Variants in CYFIP2 observed in about 807,000 individuals in gnomAD.
CYFIP2 encodes cytoplasmic FMR1-interacting protein 2.
In CYFIP2, 29 loss-of-function variants were observed where a neutral mutation model predicts 158.7. The observed-to-expected ratio is 0.18, with a 90% CI of 0.14 to 0.25. CYFIP2 has a LOEUF of 0.25. Among genes scored for constraint, CYFIP2 ranks in the 10% least tolerant of loss-of-function variants. The probability of loss-of-function intolerance (pLI) is 1.00; values close to 1 mark genes in which losing one functional copy is unlikely to be tolerated. For synonymous variants in CYFIP2, 585 were observed against 617.6 expected (o/e 0.95, Z 0.78); for missense variants, 852 against 1,639.5 (o/e 0.52, Z 8.29).
chr5:157,362,249 T>C (rs1763901461), intron 26 of CYFIP2, among the ~76,000 whole-genome samples: 1 of 152,122 alleles, frequency 6.6e-6, no homozygotes, highest in Non-Finnish European at 1.5e-5. Context: ...TAAGAATAAG[T>C]TTAGAACAAA....
At chr5:157,343,141 G>A (rs2113258597) in intron 23 of CYFIP2, 1 of 1,614,200 alleles carries the variant, frequency 6.2e-7, no homozygotes, top group South Asian at 1.1e-5. Flanking sequence ...AGAACTGGAG[G>A]CAGATGAAGG....
intron 19 of CYFIP2, among the ~76,000 whole-genome samples, chr5:157,330,280 GTGTGTT>G (rs946145793): frequency 1.5e-5 from 2 of 133,280 alleles, no homozygotes; most frequent in African/African-American, 2.9e-5. Flanking sequence ...GTGTGTGTGT[GTGTGTT>G]TGTGTTTAAA....
At chr5:157,312,370 G>GA (rs57427003) in intron 11 of CYFIP2, among the ~76,000 whole-genome samples, 32 of 148,038 alleles carry the variant, frequency 2.2e-4, no homozygotes, top group African/African-American at 6.2e-4. Context: ...CAAACCTCAG[G>GA]AAAAAAACCC....
chr5:157,298,939 G>A (rs577083703), intron 5 of CYFIP2, among the ~76,000 whole-genome samples: 1 of 152,220 alleles, frequency 6.6e-6, no homozygotes, highest in Admixed American at 6.5e-5. Context: ...CCATTGTATG[G>A]ATATACCGTA....
chr5:157,311,398 G>A lies in CYFIP2; in HGVS notation c.993-266G>A, dbSNP rs1478259671. 3.8e-5 allele frequency: 19 copies of A among 504,218 alleles called. No homozygotes were observed. The highest frequency in any genetic ancestry group is 5.1e-5 in the Non-Finnish European group (14 of 276,862). The allele number at this position is 504,218 out of a possible 1,614,324, so 31.2% of individuals were successfully genotyped here. On this transcript the variant is annotated intron_variant, in intron 10 of 30. Transcript: ENST00000620254. This position sits in a 1 kb window ranked among gnomAD's most constrained non-coding sequence, Gnocchi z 4.7. The stretch of plus-strand genomic sequence containing the variant: ...CCCGCCCCTCTCATATTACTGGTAA[G>A]TATTATGGACCAGGTATCTGGAAAG...
rs137879036 is a variant in CYFIP2, at chr5:157,353,072, T to C, written c.2674-5933T>C. On this transcript the variant is annotated intron_variant, in intron 23 of 30. Coordinates refer to ENST00000620254, the MANE Select transcript of CYFIP2 (RefSeq NM_001037333.3). ...TGATTTTGGCCTAGTGATACCAGTT[T>C]GGATTTCTGGCTTCCAGAAGCCTGA... Among the ~76,000 whole-genome samples, 15 of 152,326 alleles carry C rather than the reference T, an allele frequency of 9.8e-5. 1 individual carries two copies. In the East Asian group the frequency reaches 2.7e-3, roughly 27 times the overall value.
At chr5:157,382,086 G>A (rs884623) in intron 26 of CYFIP2, among the ~76,000 whole-genome samples, 15,388 of 152,106 alleles carry the variant, frequency 0.1, 903 homozygotes, top group African/African-American at 0.15. Flanking sequence ...CTGGGTTCTC[G>A]TCCCTCTTTT....
Position 157,320,788 on chromosome 5 carries a change from C to T in CYFIP2, c.1657C>T (p.Pro553Ser). ...DIKVPRRAVG[P>S]SSTQLYMVRT... is the part of the protein sequence containing the mutation. Reference sequence around the variant, plus strand: ...CAAGGTGCCCCGGCGTGCTGTGGGGCCATCCAGCACACAGGTAAGCGGCTC... The same window carrying T: ...CAAGGTGCCCCGGCGTGCTGTGGGGTCATCCAGCACACAGGTAAGCGGCTC... The change falls in exon 15 of 31, where the codon CCA (proline) becomes TCA (serine). Residue 553 changes from proline (P) to serine (S), a missense_variant. Pro to Ser is a moderately conservative substitution (Grantham distance 74). Around this residue, in one of 8 missense-constraint regions of CYFIP2, gnomAD observed 167 missense variants for 343.3 expected, o/e 0.49. Transcript: ENST00000620254. 2 of 1,595,908 alleles carry T rather than the reference C, an allele frequency of 1.3e-6. No individual in the cohort carries two copies. The highest frequency in any genetic ancestry group is 1.1e-5 in the South Asian group (1 of 87,814).
At chr5:157,385,640 TAGTGCAAGC>T (rs1454873165) in intron 28 of CYFIP2, among the ~76,000 whole-genome samples, 4 of 152,144 alleles carry the variant, frequency 2.6e-5, no homozygotes, top group African/African-American at 9.7e-5. Flanking sequence ...CTGAATTATC[TAGTGCAAGC>T]CATTTTTCTC....
chr5:157,345,753 C>T (rs1056559741), intron 23 of CYFIP2: 2 of 152,588 alleles, frequency 1.3e-5, no homozygotes, highest in Non-Finnish European at 2.9e-5. Context: ...TCTGTACGCA[C>T]GATGCTTTCA....
intron 26 of CYFIP2, chr5:157,365,302 T>G (rs536665590): frequency 6.6e-6 from 1 of 152,358 alleles, no homozygotes; most frequent in South Asian, 2.1e-4. Context: ...AAGAAATCTC[T>G]TGCCCATTTT....
At chr5:157,332,470 AT>A (rs1235046606) in intron 20 of CYFIP2, among the ~76,000 whole-genome samples, 1 of 152,190 alleles carries the variant, frequency 6.6e-6, no homozygotes, top group African/African-American at 2.4e-5. Context: ...TTCAGCCTAT[AT>A]CTCCTAAGAA....
chr5:157,374,149 C>T (rs762161712), intron 26 of CYFIP2, among the ~76,000 whole-genome samples: 5 of 152,110 alleles, frequency 3.3e-5, no homozygotes, highest in Admixed American at 6.5e-5. Context: ...CCATGGCTGT[C>T]GATCGATCCT....
Position 157,339,092 on chromosome 5 carries a change from G to A in CYFIP2, c.2421G>A (p.Thr807=), listed in dbSNP as rs369405267. 2.2e-5 allele frequency: 36 copies of A among 1,613,102 alleles called. No homozygotes were observed. Among genetic ancestry groups the A allele is most frequent in the African/African-American group, 6.7e-5 (5 of 75,034 alleles). The part of the protein sequence containing the change: ...LEWLLEINRL[T]HRLLCKHMTL... Reference sequence around the variant, plus strand: ...GGCTGCTGGAGATTAACCGGCTCACGCATCGGCTGCTCTGTAAGCATATGA... The same window carrying A: ...GGCTGCTGGAGATTAACCGGCTCACACATCGGCTGCTCTGTAAGCATATGA... Residue 807 remains threonine, a synonymous_variant, in exon 22 of 31, where the codon ACG becomes ACA. Coordinates refer to ENST00000620254, the MANE Select transcript of CYFIP2 (RefSeq NM_001037333.3).
rs776384362 is a variant in CYFIP2, at chr5:157,327,966, C to T, written c.2080-7C>T. On this transcript the variant is annotated splice_region_variant and splice_polypyrimidine_tract_variant and intron_variant, in intron 18 of 30. Coordinates refer to ENST00000620254, the MANE Select transcript of CYFIP2 (RefSeq NM_001037333.3). ...ACCAGTGATGTTTCCTGCTTCCTCT[C>T]CACCAGGTGAACCTGTGTTTTGATC... The T allele has an allele frequency of 1.2e-6, 2 of 1,613,674 alleles. No individual in the cohort carries two copies. Among genetic ancestry groups the T allele is most frequent in the South Asian group, 2.2e-5 (2 of 91,058 alleles).
chr5:157,343,692 T>C (rs550307681), intron 23 of CYFIP2: 2 of 692,944 alleles, frequency 2.9e-6, no homozygotes, highest in Non-Finnish European at 4.7e-6. Flanking sequence ...GAGGTTCTGT[T>C]ATTTAGGCAT....
At chr5:157,307,956 T>G (rs764677509) in intron 9 of CYFIP2, 91 bp downstream of exon 9, 1 of 731,496 alleles carries the variant, frequency 1.4e-6, no homozygotes, top group Non-Finnish European at 2.3e-6. Flanking sequence ...GCCAGAAAAC[T>G]GTCAGGTTTT....
chr5:157,307,065 A>G (rs1425144398), intron 8 of CYFIP2, among the ~76,000 whole-genome samples: 1 of 152,184 alleles, frequency 6.6e-6, no homozygotes, highest in South Asian at 2.1e-4. Context: ...GAGCAAAACA[A>G]GCCAGCATTC....
intron 23 of CYFIP2, chr5:157,343,116 G>C: frequency 6.2e-7 from 1 of 1,614,210 alleles, no homozygotes; most frequent in South Asian, 1.1e-5. Flanking sequence ...CGCGGCTCAT[G>C]GCAACGGACA....
Sources: gnomAD v4.1 joint callset for allele counts (sites outside exome capture counted in the v4.1 genomes callset) on GRCh38, gnomAD v4.1.1 for gene constraint, gnomAD v4.1.1 regional missense constraint, Gnocchi (gnomAD v3.1) non-coding constraint, MANE v1.5 for transcripts, NCBI Gene and HGNC (gene_info 2026-07-23, HGNC 2026-07-21) for gene names.